F5: variants seen among roughly 807,000 people sequenced by gnomAD.
F5 encodes the protein coagulation factor V, also known as activated protein c cofactor.
In F5, 138 loss-of-function variants were observed where a neutral mutation model predicts 216.4. The observed-to-expected ratio is 0.64, with a 90% CI of 0.56 to 0.73. The LOEUF is 0.73. Ranked by LOEUF, F5 falls within the 30% of genes least tolerant of loss-of-function variation. The probability of loss-of-function intolerance (pLI) is 0.00; values close to 1 mark genes in which losing one functional copy is unlikely to be tolerated. For missense variants in F5, 2,403 were observed against 2,674.0 expected, an observed-to-expected ratio of 0.90 and a Z score of 2.24; for synonymous variants, 916 against 930.7, an observed-to-expected ratio of 0.98 and a Z score of 0.29.
chr1:169,542,352 T>G lies in F5; in HGVS notation c.2738A>C (p.Gln913Pro), dbSNP rs1397793440. The change falls in exon 13 of 25, where the codon CAA becomes CCA. Residue 913 changes from glutamine to proline, a missense_variant. Around this residue, in one of 4 missense-constraint regions of F5, gnomAD observed 1,425 missense variants for 1,554.8 expected, o/e 0.92. Transcript: ENST00000367797. The part of the protein sequence containing the change: ...GMRPWEDLPS[Q>P]DTGSPSRMRP... ...CATTCTGGAAGGAGAACCAGTGTCT[T>G]GGCTAGGAAGGTCCTCCCAGGGCCT... 1 of 1,601,008 alleles carries G rather than the reference T, an allele frequency of 6.2e-7. No homozygotes were observed. Among genetic ancestry groups the G allele is most frequent in the Non-Finnish European group, 8.5e-7 (1 of 1,169,782 alleles).
chr1:169,536,715 A>G (rs1344326876), intron 13 of F5, 35 bp from the exon 14 acceptor site: 2 of 1,547,750 alleles, frequency 1.3e-6, no homozygotes, highest in Admixed American at 3.4e-5. Context: ...AAAAGAAGAA[A>G]TTAAAGACTG....
At chr1:169,521,715 G>T (rs1339376453) in intron 21 of F5, among the ~76,000 whole-genome samples, 1 of 143,140 alleles carries the variant, frequency 7.0e-6, no homozygotes, top group Non-Finnish European at 1.5e-5. Context: ...CTGCCTTCCG[G>T]ATTCAAGCGA....
At chr1:169,577,083 C>T (rs576703550) in intron 2 of F5, among the ~76,000 whole-genome samples, 1 of 152,238 alleles carries the variant, frequency 6.6e-6, no homozygotes, top group South Asian at 2.1e-4. Flanking sequence ...AGCCAGATGG[C>T]CTAAAACCCT....
rs760002700 is a variant in F5, at chr1:169,544,507, A to T, written c.1764T>A (p.Thr588=). 6.2e-7 allele frequency: 1 copy of T among 1,613,554 alleles called. No homozygotes were observed. Among genetic ancestry groups the T allele is most frequent in the Non-Finnish European group, 8.5e-7 (1 of 1,179,670 alleles). ...PKFYESNIMS[T]INGYVPESIT... is the part of the protein sequence containing the mutation. Reference sequence around the variant, plus strand: ...TGCTCTCAGGCACATAGCCATTGATAGCTGAAAGTGTAAAATCTGTTAAAA... The same window carrying T: ...TGCTCTCAGGCACATAGCCATTGATTGCTGAAAGTGTAAAATCTGTTAAAA... Residue 588 remains threonine (T), a splice_region_variant and synonymous_variant, in exon 12 of 25, where the codon ACT becomes ACA. Transcript: ENST00000367797.
chr1:169,552,519 T>G (rs758639484), intron 8 of F5, 38 bp downstream of exon 8: 11 of 1,550,220 alleles, frequency 7.1e-6, no homozygotes, highest in Non-Finnish European at 9.8e-6. Flanking sequence ...TATTTTACTA[T>G]GTAATTTCTC....
At chr1:169,585,113 A>T (rs1181766892) in intron 1 of F5, among the ~76,000 whole-genome samples, 1 of 152,230 alleles carries the variant, frequency 6.6e-6, no homozygotes, top group Non-Finnish European at 1.5e-5. Flanking sequence ...GTTTTAGCTT[A>T]CGGCAGTTCC....
At chr1:169,516,205 C>T (rs1442522706) in intron 23 of F5, among the ~76,000 whole-genome samples, 4 of 152,094 alleles carry the variant, frequency 2.6e-5, no homozygotes, top group African/African-American at 9.7e-5. Context: ...ATAAATGTAA[C>T]ATTTGAGAGA....
At chr1:169,553,834 T>G (rs1016141383) in intron 7 of F5, among the ~76,000 whole-genome samples, 6 of 152,142 alleles carry the variant, frequency 3.9e-5, no homozygotes, top group Non-Finnish European at 7.4e-5. Context: ...AAAGGAACAC[T>G]TATACACTCT....
intron 9 of F5, 93 bp from the exon 10 acceptor site, chr1:169,550,108 T>A: frequency 1.0e-6 from 1 of 976,892 alleles, no homozygotes; most frequent in Non-Finnish European, 1.6e-6. Flanking sequence ...CCAATTAATA[T>A]TGCAAAAGGA....
At chr1:169,584,820 C>G (rs3753305) in intron 1 of F5, among the ~76,000 whole-genome samples, 101,312 of 152,074 alleles carry the variant, frequency 0.67, 35,007 homozygotes, top group East Asian at 0.88. Context: ...CTCAACAATT[C>G]CTACCAGAGG....
At position 169,520,793 on chromosome 1, in the gene F5, T is replaced by C; in HGVS notation, c.6049-129A>G. Reference sequence around the variant, plus strand: ...GGTCCAAACTAAATCAATTTGGTTATAAAATATACTTGGGGATAATTCCAG... The same window carrying C: ...GGTCCAAACTAAATCAATTTGGTTACAAAATATACTTGGGGATAATTCCAG... On this transcript the variant is annotated intron_variant, in intron 21 of 24. Transcript: ENST00000367797. The C allele has an allele frequency of 3.8e-6, 3 of 784,472 alleles. No individual in the cohort carries two copies. In the South Asian group the frequency reaches 5.0e-5, roughly 13 times the overall value. 48.6% of individuals were successfully genotyped at this position (784,472 alleles called of 1,614,324 possible). A position where few individuals can be genotyped will look rare whatever the true frequency, so the allele number is the denominator to read the frequency against.
intron 5 of F5, 92 bp from the exon 6 acceptor site, chr1:169,556,959 CTG>C: frequency 1.8e-6 from 2 of 1,123,658 alleles, no homozygotes; most frequent in Non-Finnish European, 2.6e-6. Flanking sequence ...TGAGCACCTG[CTG>C]TGTGTCAGGC....
At chr1:169,523,387 C>A in intron 20 of F5, 35 bp from the exon 21 acceptor site, 1 of 1,612,954 alleles carries the variant, frequency 6.2e-7, no homozygotes, top group Non-Finnish European at 8.5e-7. Flanking sequence ...CAGAACTGTC[C>A]TTGTCAACAA....
intron 5 of F5, among the ~76,000 whole-genome samples, chr1:169,557,364 T>C (rs1660356265): frequency 6.6e-6 from 1 of 152,156 alleles, no homozygotes. Context: ...TCTCTAGCTG[T>C]AGTGGTCGAA....
intron 24 of F5, 75 bp from the exon 25 acceptor site, chr1:169,514,534 A>T (rs943866113): frequency 3.1e-6 from 4 of 1,306,732 alleles, no homozygotes; most frequent in South Asian, 1.2e-5. Flanking sequence ...TTTTTTTTAG[A>T]CAGGGTCTTA....
intron 3 of F5, among the ~76,000 whole-genome samples, chr1:169,564,332 G>T (rs905375235): frequency 4.6e-5 from 7 of 152,008 alleles, no homozygotes; most frequent in Non-Finnish European, 8.8e-5. Flanking sequence ...ACTGTCCTCT[G>T]CAGGACTCTG....
At chr1:169,551,029 G>T (rs1660155870) in intron 8 of F5, among the ~76,000 whole-genome samples, 1 of 152,176 alleles carries the variant, frequency 6.6e-6, no homozygotes, top group Admixed American at 6.5e-5. Flanking sequence ...CTCTCTCCAA[G>T]CAAGTCCTCC....
chr1:169,531,573 G>A (rs146142134), intron 14 of F5, among the ~76,000 whole-genome samples: 204 of 152,142 alleles, frequency 1.3e-3, no homozygotes, highest in Admixed American at 2.9e-3. Context: ...ACTCTCAGAA[G>A]GGCAGAAGGA....
chr1:169,585,951 A>G (rs1251677385), intron 1 of F5, among the ~76,000 whole-genome samples: 1 of 152,182 alleles, frequency 6.6e-6, no homozygotes, highest in Non-Finnish European at 1.5e-5. Context: ...CAACACAAAC[A>G]TACTAACAAA....
Sources: gnomAD v4.1 joint callset for allele counts (sites outside exome capture counted in the v4.1 genomes callset) on GRCh38, gnomAD v4.1.1 for gene constraint, gnomAD v4.1.1 regional missense constraint, MANE v1.5 for transcripts, NCBI Gene and HGNC (gene_info 2026-07-23, HGNC 2026-07-21) for gene names.